The following HBG2 variants were observed in gnomAD, a reference collection of about 807,000 sequenced individuals.
The protein encoded by HBG2 is hemoglobin subunit gamma-2.
For missense variants in HBG2, 59 were observed against 155.7 expected (o/e 0.38, Z 3.31); for synonymous variants, 25 against 63.2 (o/e 0.40, Z 2.87).
rs774272121 is a variant in HBG2 at position 5,253,418 on chromosome 11, A to G, written c.316-13T>C. 6.2e-7 allele frequency: 1 copy of G among 1,611,124 alleles called. No individual in the cohort carries two copies. Among genetic ancestry groups the G allele is most frequent in the Non-Finnish European group, 8.5e-7 (1 of 1,177,508 alleles). On this transcript the variant is annotated splice_polypyrimidine_tract_variant and intron_variant, in intron 2 of 2. Transcript: ENST00000336906. The stretch of plus-strand genomic sequence containing the variant: ...CATTTCCCAGGAGCTGTTGAGATGA[A>G]AGGAGACAATAAAGATGAACCCATA...
intron 2 of HBG2, among the ~76,000 whole-genome samples, chr11:5,253,698 G>GCGCGCACACACACACA (rs141297974): frequency 1.5e-4 from 20 of 134,458 alleles, no homozygotes; most frequent in Non-Finnish European, 2.4e-4. Flanking sequence ...ACACACGCGC[G>GCGCGCACACACACACA]CACACACACA....
rs1847971399 is a variant in HBG2 at position 5,253,270 on chromosome 11, A to G, written c.*7T>C. The G allele has an allele frequency of 6.2e-7, 1 of 1,613,532 alleles. No homozygotes were observed. The highest frequency in any genetic ancestry group is 1.1e-5 in the South Asian group (1 of 91,072). The stretch of plus-strand genomic sequence containing the variant: ...TCCTTGAAAGCTCTGCATCATGGGC[A>G]GTGAGCTCAGTGGTATCTGGAGGAC... On this transcript the variant is annotated 3_prime_UTR_variant, in exon 3 of 3. Transcript: ENST00000336906.
chr11:5,253,663 AAC>A (rs753714111), intron 2 of HBG2, among the ~76,000 whole-genome samples: 1 of 147,134 alleles, frequency 6.8e-6, no homozygotes, highest in African/African-American at 2.5e-5. Flanking sequence ...CGTTAAAAGA[AAC>A]ACACGCTCTC....
rs34363111 is a variant in HBG2 at position 5,254,381 on chromosome 11, T to C, written c.226A>G (p.Ile76Val). 6.8e-6 allele frequency: 11 copies of C among 1,614,192 alleles called. No homozygotes were observed. The highest frequency in any genetic ancestry group is 7.6e-6 in the Non-Finnish European group (9 of 1,180,064). Residue 76 changes from isoleucine (I) to valine (V), a missense_variant, in exon 2 of 3, where the codon ATA becomes GTA. Physicochemically the swap from Ile to Val is conservative, Grantham distance 29. Transcript: ENST00000336906. ...KKVLTSLGDA[I>V]KHLDDLKGTF... is the part of the protein sequence containing the mutation. ...CCCTTGAGATCATCCAGGTGCTTTA[T>C]GGCATCTCCCAAGGAAGTCAGCACC...
Sources: allele counts gnomAD v4.1 joint callset (sites outside exome capture counted in the v4.1 genomes callset), GRCh38; gene constraint gnomAD v4.1.1; transcripts MANE v1.5; gene names NCBI Gene and HGNC (gene_info 2026-07-23, HGNC 2026-07-21).